KCNQ1OT1: variants seen among roughly 807,000 people sequenced by gnomAD.
KCNQ1OT1 encodes the protein KCNQ1 antisense RNA 2 (non-protein coding).
rs191050425 is a variant in KCNQ1OT1 at position 2,691,907 on chromosome 11, C to T, written n.8088G>A. 15 of 398,814 alleles carry T rather than the reference C, an allele frequency of 3.8e-5. No individual in the cohort carries two copies. The Middle Eastern group carries it at 1.9e-3, about 50-fold the overall frequency. The allele number at this position is 398,814 out of a possible 1,614,324, so 24.7% of individuals were successfully genotyped here. On this transcript the variant is annotated non_coding_transcript_exon_variant, in exon 1 of 1. Transcript: ENST00000597346. This position sits in a 1 kb window ranked among gnomAD's most constrained non-coding sequence, Gnocchi z 6.4. ...TTTCTTGCCATCTTTCTGGCTCTAT[C>T]CTCAGTCTCCTTGGCAGGTTTTCCC...
At position 2,691,994 on chromosome 11, in the gene KCNQ1OT1, C is replaced by A. The variant is rs1850595769; in HGVS notation, n.8001G>T. 4 of 398,538 alleles carry A rather than the reference C, an allele frequency of 1.0e-5. No homozygotes were observed. Among genetic ancestry groups the A allele is most frequent in the South Asian group, 1.3e-4 (1 of 7,856 alleles). The allele number at this position is 398,538 out of a possible 1,614,324, so 24.7% of individuals were successfully genotyped here. A position where few individuals can be genotyped will look rare whatever the true frequency, so the allele number is the denominator to read the frequency against. On this transcript the variant is annotated non_coding_transcript_exon_variant, in exon 1 of 1. Coordinates refer to ENST00000597346, the Ensembl canonical transcript of KCNQ1OT1. The surrounding 1 kb of genome is among the most constrained non-coding windows in gnomAD (Gnocchi z 6.4). ...ATGCAAACCATTTCCCTAAGCTGTT[C>A]CCTCAGCACCAAGGGCTTCCAGACC...
Position 2,663,644 on chromosome 11 carries a change from C to G in KCNQ1OT1, n.36351G>C. 1 of 398,716 alleles carries G rather than the reference C, an allele frequency of 2.5e-6. No individual in the cohort carries two copies. The highest frequency in any genetic ancestry group is 4.4e-6 in the Non-Finnish European group (1 of 226,108). 24.7% of individuals were successfully genotyped at this position (398,716 alleles called of 1,614,324 possible). A position where few individuals can be genotyped will look rare whatever the true frequency, so the allele number is the denominator to read the frequency against. On this transcript the variant is annotated non_coding_transcript_exon_variant, in exon 1 of 1. Transcript: ENST00000597346. The surrounding 1 kb of genome is among the most constrained non-coding windows in gnomAD (Gnocchi z 5.2). ...GCATCCAGACATGCAAAAAGTCCTACTGGGAGGAGAGGGCCATCACCCACA... is the reference window on the plus strand; with the variant it reads ...GCATCCAGACATGCAAAAAGTCCTAGTGGGAGGAGAGGGCCATCACCCACA...
At chr11:2,640,890 C>A in exon 1 of KCNQ1OT1, 1 of 399,610 alleles carries the variant, frequency 2.5e-6, no homozygotes, top group Non-Finnish European at 4.4e-6. Flanking sequence ...ATGAGATCAA[C>A]TTTTATAGCT....
chr11:2,685,439 G>C (rs1029614321), exon 1 of KCNQ1OT1: 2 of 398,724 alleles, frequency 5.0e-6, no homozygotes, highest in Non-Finnish European at 8.8e-6. Flanking sequence ...ACCTGAACGA[G>C]AAGCCCTTAT....
In KCNQ1OT1 at chr11:2,652,430, A is replaced by T. The variant is rs2133844501; in HGVS notation, n.47565T>A. On this transcript the variant is annotated non_coding_transcript_exon_variant, in exon 1 of 1. Coordinates refer to ENST00000597346, the Ensembl canonical transcript of KCNQ1OT1. The surrounding 1 kb of genome is among the most constrained non-coding windows in gnomAD (Gnocchi z 5.9). ...CCTGTGTAATTTTGTCTTGAAAATC[A>T]AGGCCACTTTTTTGTTTTCTCCATC... The T allele has an allele frequency of 2.5e-6, 1 of 398,598 alleles. No homozygotes were observed. The highest frequency in any genetic ancestry group is 3.6e-5 in the East Asian group (1 of 28,078). The allele number at this position is 398,598 out of a possible 1,614,324, so 24.7% of individuals were successfully genotyped here.
At chr11:2,637,235 G>T (rs1191511377) in exon 1 of KCNQ1OT1, 1 of 152,080 alleles carries the variant, frequency 6.6e-6, no homozygotes, top group East Asian at 1.9e-4. Context: ...TTTTGAATGT[G>T]TTTGCTCTTG....
exon 1 of KCNQ1OT1, chr11:2,649,090 T>A: frequency 2.5e-6 from 1 of 397,328 alleles, no homozygotes; most frequent in Non-Finnish European, 4.4e-6. Flanking sequence ...TCCCTTACAG[T>A]CTATGGGTGT....
chr11:2,690,924 T>C lies in KCNQ1OT1; in HGVS notation n.9071A>G, dbSNP rs1243607464. On this transcript the variant is annotated non_coding_transcript_exon_variant, in exon 1 of 1. Coordinates refer to ENST00000597346, the Ensembl canonical transcript of KCNQ1OT1. The surrounding 1 kb of genome is among the most constrained non-coding windows in gnomAD (Gnocchi z 5.1). ...TTGTCATGTGTAGGTCCCAGCGGCT[T>C]TAAGCCAACCTGAAAGGTTCATTTG... 1 of 398,398 alleles carries C rather than the reference T, an allele frequency of 2.5e-6. No individual in the cohort carries two copies. The highest frequency in any genetic ancestry group is 4.4e-6 in the Non-Finnish European group (1 of 226,046). 24.7% of individuals were successfully genotyped at this position (398,398 alleles called of 1,614,324 possible). A position where few individuals can be genotyped will look rare whatever the true frequency, so the allele number is the denominator to read the frequency against.
rs563587232 is a variant in KCNQ1OT1, at chr11:2,676,527, T to C, written n.23468A>G. Reference sequence around the variant, plus strand: ...GAACACTTGGACTTGGCAAAAGGCATAGAGGTAGTGGTACAGGAAAGGTCT... The same window carrying C: ...GAACACTTGGACTTGGCAAAAGGCACAGAGGTAGTGGTACAGGAAAGGTCT... On this transcript the variant is annotated non_coding_transcript_exon_variant, in exon 1 of 1. Transcript: ENST00000597346. This position sits in a 1 kb window ranked among gnomAD's most constrained non-coding sequence, Gnocchi z 4.2. The C allele has an allele frequency of 1.5e-5, 6 of 398,496 alleles. No homozygotes were observed. Among genetic ancestry groups the C allele is most frequent in the Admixed American group, 4.4e-5 (1 of 22,712 alleles). The allele number at this position is 398,496 out of a possible 1,614,324, so 24.7% of individuals were successfully genotyped here. A position where few individuals can be genotyped will look rare whatever the true frequency, so the allele number is the denominator to read the frequency against.
In KCNQ1OT1 at chr11:2,654,290, TGA is replaced by T. The variant is rs766629068; in HGVS notation, n.45703_45704del. On this transcript the variant is annotated non_coding_transcript_exon_variant, in exon 1 of 1. Coordinates refer to ENST00000597346, the Ensembl canonical transcript of KCNQ1OT1. The surrounding 1 kb of genome is among the most constrained non-coding windows in gnomAD (Gnocchi z 6.4). ...ATCCGCAGGGCTTTGGTGAATCCAC[TGA>T]GAGGGGGAGATTTCTTGAGGGGGCC... 5 of 397,366 alleles carry T rather than the reference TGA, an allele frequency of 1.3e-5. No individual in the cohort carries two copies. The highest frequency in any genetic ancestry group is 6.2e-5 in the African/African-American group (3 of 48,324). The allele number at this position is 397,366 out of a possible 1,614,324, so 24.6% of individuals were successfully genotyped here.
Position 2,647,426 on chromosome 11 carries a change from TGTTCATCAG to T in KCNQ1OT1, n.52560_52568del, listed in dbSNP as rs1331772558. Reference sequence around the variant, plus strand: ...TTTGTTTCTGAGGATTCTGCATCTATGTTCATCAGGGAGATTGGCCTGTAGTTTTCTTTT... The same window carrying T: ...TTTGTTTCTGAGGATTCTGCATCTATGGAGATTGGCCTGTAGTTTTCTTTT... On this transcript the variant is annotated non_coding_transcript_exon_variant, in exon 1 of 1. Transcript: ENST00000597346. The surrounding 1 kb of genome is among the most constrained non-coding windows in gnomAD (Gnocchi z 4.0). 1 of 398,498 alleles carries T rather than the reference TGTTCATCAG, an allele frequency of 2.5e-6. No homozygotes were observed. Among genetic ancestry groups the T allele is most frequent in the Non-Finnish European group, 4.4e-6 (1 of 226,060 alleles). 24.7% of individuals were successfully genotyped at this position (398,498 alleles called of 1,614,324 possible).
exon 1 of KCNQ1OT1, chr11:2,684,896 T>C (rs1218474401): frequency 1.0e-5 from 4 of 398,538 alleles, no homozygotes; most frequent in Non-Finnish European, 1.3e-5. Flanking sequence ...TTTCACTACA[T>C]CATAAGGTAG....
chr11:2,614,486 T>G (rs1849028959), exon 1 of KCNQ1OT1: 2 of 398,544 alleles, frequency 5.0e-6, no homozygotes, highest in Non-Finnish European at 8.8e-6. Context: ...TTTACTCCTG[T>G]TTTCTACTAA....
exon 1 of KCNQ1OT1, chr11:2,640,020 A>T (rs977656539): frequency 2.5e-5 from 4 of 161,790 alleles, no homozygotes; most frequent in African/African-American, 9.6e-5. Context: ...CGCGGGATAT[A>T]ATCTCCTGGT....
At chr11:2,675,494 C>T (rs937864355) in exon 1 of KCNQ1OT1, 1 of 398,672 alleles carries the variant, frequency 2.5e-6, no homozygotes, top group African/African-American at 2.1e-5. Flanking sequence ...TTTCATGAGA[C>T]ATAGCAGTCA....
chr11:2,610,818 C>T (rs960095294), exon 1 of KCNQ1OT1: 2 of 350,480 alleles, frequency 5.7e-6, no homozygotes, highest in Non-Finnish European at 1.0e-5. Flanking sequence ...GTCAGCTCCA[C>T]ATTTGTCTCC....
chr11:2,646,542 T>G, exon 1 of KCNQ1OT1: 1 of 398,566 alleles, frequency 2.5e-6, no homozygotes. Context: ...GGCAGGGGAG[T>G]GCAGACAGGG....
At position 2,698,011 on chromosome 11, in the gene KCNQ1OT1, A is replaced by G. The variant is rs1225968471; in HGVS notation, n.1984T>C. Reference sequence around the variant, plus strand: ...TTCTCCTACTGAGTATCTGGAAAACAGGTGCAGAAATGGATCATTTGAGAC... The same window carrying G: ...TTCTCCTACTGAGTATCTGGAAAACGGGTGCAGAAATGGATCATTTGAGAC... On this transcript the variant is annotated non_coding_transcript_exon_variant, in exon 1 of 1. Coordinates refer to ENST00000597346, the Ensembl canonical transcript of KCNQ1OT1. The surrounding 1 kb of genome is among the most constrained non-coding windows in gnomAD (Gnocchi z 5.1). The G allele has an allele frequency of 2.5e-6, 1 of 398,560 alleles. No individual in the cohort carries two copies. The highest frequency in any genetic ancestry group is 2.1e-5 in the African/African-American group (1 of 48,648). The allele number at this position is 398,560 out of a possible 1,614,324, so 24.7% of individuals were successfully genotyped here.
chr11:2,625,823 C>A (rs1849252869), exon 1 of KCNQ1OT1: 2 of 398,564 alleles, frequency 5.0e-6, no homozygotes, highest in Non-Finnish European at 8.8e-6. Flanking sequence ...CCCGCCTCAG[C>A]CTCCCAAAGT....
Sources: allele counts gnomAD v4.1 joint callset, GRCh38; gene constraint gnomAD v4.1.1; non-coding constraint Gnocchi (gnomAD v3.1); transcripts MANE v1.5; gene names NCBI Gene and HGNC (gene_info 2026-07-23, HGNC 2026-07-21).